Variants in KCTD8 observed in about 807,000 individuals in gnomAD.
KCTD8 encodes BTB/POZ domain-containing protein KCTD8.
In KCTD8, 27 loss-of-function variants were observed where a neutral mutation model predicts 31.5. The observed-to-expected ratio is 0.86, with a 90% CI of 0.63 to 1.18. The LOEUF (loss-of-function observed/expected upper bound fraction) is 1.18, where lower values mean the gene tolerates loss of function less well. KCTD8 is among the 50% of genes most tolerant of loss of function. The probability of loss-of-function intolerance (pLI) is 0.00; values close to 1 mark genes in which losing one functional copy is unlikely to be tolerated. For missense variants in KCTD8, 658 were observed against 647.7 expected (o/e 1.02, Z -0.17); for synonymous variants, 290 against 280.0 (o/e 1.04, Z -0.36).
At chr4:44,388,332 G>A (rs2109448167) in intron 1 of KCTD8, among the ~76,000 whole-genome samples, 1 of 151,940 alleles carries the variant, frequency 6.6e-6, no homozygotes, top group South Asian at 2.1e-4. Context: ...ACTACCATTT[G>A]TCCCAGCAAT....
intron 1 of KCTD8, among the ~76,000 whole-genome samples, chr4:44,237,537 C>T (rs1411690520): frequency 2.6e-5 from 4 of 152,176 alleles, no homozygotes; most frequent in Non-Finnish European, 4.4e-5. Flanking sequence ...TAGCCATACT[C>T]TCCAACTTGG....
At chr4:44,241,601 A>G (rs971355517) in intron 1 of KCTD8, among the ~76,000 whole-genome samples, 2 of 152,250 alleles carry the variant, frequency 1.3e-5, no homozygotes, top group Non-Finnish European at 2.9e-5. Flanking sequence ...CAGGATACAA[A>G]GATGAATACT....
At chr4:44,353,469 A>C (rs2109425938) in intron 1 of KCTD8, among the ~76,000 whole-genome samples, 1 of 152,200 alleles carries the variant, frequency 6.6e-6, no homozygotes, top group South Asian at 2.1e-4. Context: ...CATTTCTTTA[A>C]GAACAGAGCA....
intron 1 of KCTD8, among the ~76,000 whole-genome samples, chr4:44,421,711 C>A (rs1721216852): frequency 6.6e-6 from 1 of 152,082 alleles, no homozygotes; most frequent in Non-Finnish European, 1.5e-5. Flanking sequence ...GGTATCATGT[C>A]ACTACCTACC....
intron 1 of KCTD8, among the ~76,000 whole-genome samples, chr4:44,210,706 A>C (rs2109343405): frequency 6.6e-6 from 1 of 152,278 alleles, no homozygotes; most frequent in Non-Finnish European, 1.5e-5. Context: ...ATGAGACACA[A>C]CCTCATTTAT....
intron 1 of KCTD8, among the ~76,000 whole-genome samples, chr4:44,206,994 C>T (rs1714334981): frequency 6.6e-6 from 1 of 152,136 alleles, no homozygotes; most frequent in African/African-American, 2.4e-5. Context: ...GCTGACTTTA[C>T]AAGTTGTGAG....
At chr4:44,203,877 A>C (rs1313730658) in intron 1 of KCTD8, among the ~76,000 whole-genome samples, 1 of 151,772 alleles carries the variant, frequency 6.6e-6, no homozygotes, top group Non-Finnish European at 1.5e-5. Context: ...GGCTCCACAA[A>C]AAATAGAAAA....
intron 1 of KCTD8, among the ~76,000 whole-genome samples, chr4:44,225,837 T>TC (rs1476972401): frequency 1.1e-4 from 14 of 125,782 alleles, no homozygotes; most frequent in African/African-American, 2.7e-4. Context: ...TTTTTTTTTT[T>TC]CGAGATGGAG....
chr4:44,274,807 G>T (rs528899237), intron 1 of KCTD8, among the ~76,000 whole-genome samples: 5 of 151,546 alleles, frequency 3.3e-5, no homozygotes, highest in Middle Eastern at 3.4e-3. Context: ...ACCCAGATTA[G>T]ATTGGCCAGG....
At chr4:44,369,738 C>T (rs1043202035) in intron 1 of KCTD8, among the ~76,000 whole-genome samples, 1 of 151,908 alleles carries the variant, frequency 6.6e-6, no homozygotes, top group Non-Finnish European at 1.5e-5. Context: ...GTTGTGGCTG[C>T]AGTGAGCCAA....
intron 1 of KCTD8, among the ~76,000 whole-genome samples, chr4:44,434,070 TC>T (rs1385927248): frequency 6.6e-6 from 1 of 151,784 alleles, no homozygotes; most frequent in Non-Finnish European, 1.5e-5. Context: ...TTCCAACACT[TC>T]CCCTGATATC....
chr4:44,348,583 A>C (rs1276589614), intron 1 of KCTD8, among the ~76,000 whole-genome samples: 1 of 152,170 alleles, frequency 6.6e-6, no homozygotes, highest in South Asian at 2.1e-4. Context: ...TTTTATTTGT[A>C]TACTAATTCC....
intron 1 of KCTD8, among the ~76,000 whole-genome samples, chr4:44,446,588 C>G (rs372647804): frequency 6.6e-6 from 1 of 152,110 alleles, no homozygotes; most frequent in East Asian, 1.9e-4. Flanking sequence ...TGGTATAGTT[C>G]TTGAACTCCA....
intron 1 of KCTD8, among the ~76,000 whole-genome samples, chr4:44,232,866 T>G (rs17599374): frequency 0.12 from 18,156 of 151,974 alleles, 1,385 homozygotes; most frequent in East Asian, 0.24. Flanking sequence ...TATCTAGAAA[T>G]GTGGACATAA....
At chr4:44,211,717 AT>A (rs201778137) in intron 1 of KCTD8, among the ~76,000 whole-genome samples, 50 of 151,012 alleles carry the variant, frequency 3.3e-4, no homozygotes, top group Middle Eastern at 6.9e-3. Flanking sequence ...AGATAAAGCC[AT>A]TTTTTTTTAG....
chr4:44,373,154 G>A (rs1027475123), intron 1 of KCTD8, among the ~76,000 whole-genome samples: 6 of 152,084 alleles, frequency 3.9e-5, no homozygotes, highest in African/African-American at 1.4e-4. Context: ...CACGAGGTCA[G>A]GAGTTCGAGA....
intron 1 of KCTD8, among the ~76,000 whole-genome samples, chr4:44,332,500 T>C (rs933565229): frequency 2.6e-5 from 4 of 152,028 alleles, no homozygotes; most frequent in Non-Finnish European, 2.9e-5. Flanking sequence ...TTATTCTCCA[T>C]AGATTCATAC....
chr4:44,240,053 T>C (rs993090563), intron 1 of KCTD8, among the ~76,000 whole-genome samples: 3 of 152,214 alleles, frequency 2.0e-5, no homozygotes, highest in Admixed American at 6.5e-5. Context: ...ATTACAATTT[T>C]GCATAATGTC....
At chr4:44,285,058 G>T (rs1717024715) in intron 1 of KCTD8, among the ~76,000 whole-genome samples, 1 of 152,172 alleles carries the variant, frequency 6.6e-6, no homozygotes, top group African/African-American at 2.4e-5. Flanking sequence ...GTGGAAGACA[G>T]TGTGGTGATT....
Sources: gnomAD v4.1 joint callset for allele counts (sites outside exome capture counted in the v4.1 genomes callset) on GRCh38, gnomAD v4.1.1 for gene constraint, MANE v1.5 for transcripts, NCBI Gene and HGNC (gene_info 2026-07-23, HGNC 2026-07-21) for gene names.